Variants in ZNF148 observed in about 807,000 individuals in gnomAD.
ZNF148 encodes zinc finger protein 148.
Under a neutral mutation model 67.7 loss-of-function variants are expected in ZNF148, and 7 were observed. The observed-to-expected ratio is 0.10, with a 90% CI of 0.06 to 0.19. The LOEUF (loss-of-function observed/expected upper bound fraction) is 0.19, where lower values mean the gene tolerates loss of function less well. ZNF148 is among the 10% of genes least tolerant of loss of function. The pLI is 1.00. For synonymous variants in ZNF148, 333 were observed against 330.7 expected (o/e 1.01, Z -0.08); for missense variants, 583 against 947.1 (o/e 0.62, Z 5.05).
chr3:125,311,416 T>G (rs1271547800), intron 4 of ZNF148: 2 of 152,244 alleles, frequency 1.3e-5, no homozygotes, highest in African/African-American at 2.4e-5. Flanking sequence ...AGTTTTTGCT[T>G]AAAGCATTTT....
At chr3:125,235,975 A>T (rs1936070378) in intron 7 of ZNF148, among the ~76,000 whole-genome samples, 1 of 149,022 alleles carries the variant, frequency 6.7e-6, no homozygotes, top group Non-Finnish European at 1.5e-5. Flanking sequence ...GGGGAGGGAT[A>T]GCATTAGGAG....
intron 7 of ZNF148, among the ~76,000 whole-genome samples, chr3:125,253,275 T>C (rs930988680): frequency 6.6e-6 from 1 of 152,210 alleles, no homozygotes; most frequent in Non-Finnish European, 1.5e-5. Context: ...TCATAACATG[T>C]TCATGTTCTA....
In ZNF148 at chr3:125,228,633, C is replaced by T. The variant is rs1935731153; in HGVS notation, c.*3708G>A. On this transcript the variant is annotated 3_prime_UTR_variant, in exon 9 of 9. Transcript: ENST00000360647. ...GATTCTTAAAAACAAGCTGTAAAAA[C>T]ATTACATACTTTCAGACAATACAAA... 1 of 152,520 alleles carries T rather than the reference C, an allele frequency of 6.6e-6. No homozygotes were observed. The highest frequency in any genetic ancestry group is 2.4e-5 in the African/African-American group (1 of 41,428). 9.4% of individuals were successfully genotyped at this position (152,520 alleles called of 1,614,324 possible).
At chr3:125,333,630 G>T (rs1197361629) in intron 1 of ZNF148, among the ~76,000 whole-genome samples, 1 of 152,190 alleles carries the variant, frequency 6.6e-6, no homozygotes, top group African/African-American at 2.4e-5. Context: ...AGTCAGTTCA[G>T]ATCTTCCTCT....
intron 4 of ZNF148, among the ~76,000 whole-genome samples, chr3:125,308,310 A>G (rs560100518): frequency 1.2e-4 from 19 of 152,170 alleles, no homozygotes; most frequent in Admixed American, 2.6e-4. Flanking sequence ...GCATCCAACC[A>G]AAACCATGAA....
At chr3:125,300,366 A>C (rs1359762635) in intron 4 of ZNF148, among the ~76,000 whole-genome samples, 1 of 152,202 alleles carries the variant, frequency 6.6e-6, no homozygotes, top group Non-Finnish European at 1.5e-5. Context: ...GCCAGTGCAA[A>C]AACCAAAACT....
At chr3:125,368,860 G>A (rs1054077704) in intron 1 of ZNF148, among the ~76,000 whole-genome samples, 115 of 152,078 alleles carry the variant, frequency 7.6e-4, no homozygotes, top group African/African-American at 2.5e-3. Context: ...CAGGAGAATC[G>A]CTTGAACCTG....
intron 1 of ZNF148, among the ~76,000 whole-genome samples, chr3:125,372,053 G>C (rs1942908802): frequency 8.5e-6 from 1 of 117,784 alleles, no homozygotes; most frequent in Non-Finnish European, 1.7e-5. Context: ...GACAGAGCGA[G>C]ACTCCGTCTC....
intron 1 of ZNF148, among the ~76,000 whole-genome samples, chr3:125,337,034 A>C (rs1941528152): frequency 6.6e-6 from 1 of 151,262 alleles, no homozygotes; most frequent in Non-Finnish European, 1.5e-5. Context: ...AAAAAAAAAA[A>C]TCAAGCCAAA....
chr3:125,324,564 T>C (rs1190601355), intron 2 of ZNF148, among the ~76,000 whole-genome samples: 1 of 152,238 alleles, frequency 6.6e-6, no homozygotes, highest in Admixed American at 6.5e-5. Context: ...AAAGATTTTA[T>C]GGAATTTCCT....
chr3:125,286,380 C>T (rs535281039), intron 5 of ZNF148, among the ~76,000 whole-genome samples: 1 of 152,212 alleles, frequency 6.6e-6, no homozygotes, highest in Non-Finnish European at 1.5e-5. Flanking sequence ...TAATGAGGCT[C>T]CCATCTTAAG....
chr3:125,335,091 T>C (rs1014531997), intron 1 of ZNF148, among the ~76,000 whole-genome samples: 1 of 146,192 alleles, frequency 6.8e-6, no homozygotes, highest in African/African-American at 2.6e-5. Flanking sequence ...CTTTTATTGT[T>C]ATACATTTTG....
intron 7 of ZNF148, among the ~76,000 whole-genome samples, chr3:125,261,139 C>A (rs1937317040): frequency 1.3e-5 from 2 of 152,280 alleles, no homozygotes; most frequent in Middle Eastern, 3.4e-3. Context: ...GCCATATGAT[C>A]TCTGTCACAG....
intron 1 of ZNF148, among the ~76,000 whole-genome samples, chr3:125,351,063 TG>T (rs1006313033): frequency 1.4e-4 from 22 of 152,034 alleles, no homozygotes; most frequent in African/African-American, 5.3e-4. Flanking sequence ...GAGTTGAGGC[TG>T]GGTGTGGTGG....
At chr3:125,256,453 G>C (rs2107560784) in intron 7 of ZNF148, among the ~76,000 whole-genome samples, 2 of 152,070 alleles carry the variant, frequency 1.3e-5, no homozygotes, top group Middle Eastern at 6.9e-3. Context: ...AAGGCGGGCG[G>C]ATCACCTGAG....
intron 7 of ZNF148, among the ~76,000 whole-genome samples, chr3:125,253,517 T>A (rs981515370): frequency 1.3e-5 from 2 of 152,154 alleles, no homozygotes; most frequent in African/African-American, 4.8e-5. Context: ...GGCATCAATC[T>A]CAGGGGGAAA....
rs1199248429 is a variant in ZNF148 at position 125,323,505 on chromosome 3, A to AT, written c.-152-62dup. ...TGGTAGGAAAAGATACTATACAAAT[A>AT]TAATATGTGCAAATTGGTATGAATA... On this transcript the variant is annotated intron_variant, in intron 2 of 8. Transcript: ENST00000360647. The AT allele has an allele frequency of 2.9e-5, 17 of 594,726 alleles. No individual in the cohort carries two copies. In the South Asian group the frequency reaches 3.1e-4, roughly 11 times the overall value. 36.8% of individuals were successfully genotyped at this position (594,726 alleles called of 1,614,324 possible).
At chr3:125,303,153 A>G (rs1560154492) in intron 4 of ZNF148, among the ~76,000 whole-genome samples, 1 of 152,228 alleles carries the variant, frequency 6.6e-6, no homozygotes, top group Non-Finnish European at 1.5e-5. Flanking sequence ...AACATTCTCA[A>G]AAATGACACA....
intron 2 of ZNF148, among the ~76,000 whole-genome samples, chr3:125,324,826 T>TA (rs1219964781): frequency 1.3e-5 from 2 of 152,096 alleles, no homozygotes; most frequent in African/African-American, 4.8e-5. Flanking sequence ...AGTTTATATA[T>TA]TTTTTTAAGA....
Sources: gnomAD v4.1 joint callset for allele counts (sites outside exome capture counted in the v4.1 genomes callset) on GRCh38, gnomAD v4.1.1 for gene constraint, MANE v1.5 for transcripts, NCBI Gene and HGNC (gene_info 2026-07-23, HGNC 2026-07-21) for gene names.